The following CSMD2 variants were observed in gnomAD, a reference collection of about 807,000 sequenced individuals.
The protein encoded by CSMD2 is CUB and Sushi multiple domains 2, also known as CUB and sushi domain-containing protein 2.
A neutral mutation model predicts 398.5 loss-of-function variants in CSMD2; 130 were observed. That is an observed-to-expected ratio of 0.33 (90% CI 0.28 to 0.38). The LOEUF (loss-of-function observed/expected upper bound fraction) is 0.38, where lower values mean the gene tolerates loss of function less well. Among genes scored for constraint, CSMD2 ranks in the 10% least tolerant of loss-of-function variants. CSMD2 has a pLI of 1.00. For missense variants in CSMD2, 3,829 were observed against 4,764.9 expected, an observed-to-expected ratio of 0.80 and a Z score of 5.78; for synonymous variants, 1,828 against 1,908.5, an observed-to-expected ratio of 0.96 and a Z score of 1.10.
intron 25 of CSMD2, among the ~76,000 whole-genome samples, chr1:33,680,800 G>C (rs1300756487): frequency 6.6e-6 from 1 of 151,882 alleles, no homozygotes; most frequent in African/African-American, 2.4e-5. Context: ...ACTGTGAAGT[G>C]TGTGAAAAAT....
intron 3 of CSMD2, among the ~76,000 whole-genome samples, chr1:33,981,509 C>T (rs913862945): frequency 6.6e-6 from 1 of 152,192 alleles, no homozygotes; most frequent in Non-Finnish European, 1.5e-5. Flanking sequence ...GTTTTGAGTA[C>T]TTTTACCTAT....
intron 44 of CSMD2, among the ~76,000 whole-genome samples, chr1:33,591,145 C>A (rs1168220689): frequency 6.6e-6 from 1 of 151,890 alleles, no homozygotes; most frequent in Admixed American, 6.6e-5. Flanking sequence ...TGCGCCACCA[C>A]GTCTGGCTAA....
chr1:34,098,321 A>T (rs1354952622), intron 1 of CSMD2, among the ~76,000 whole-genome samples: 1 of 142,652 alleles, frequency 7.0e-6, no homozygotes, highest in African/African-American at 2.6e-5. Context: ...CTAGATGACG[A>T]GTTAGTGGGT....
At chr1:34,104,897 C>T (rs1660375769) in intron 1 of CSMD2, among the ~76,000 whole-genome samples, 1 of 152,206 alleles carries the variant, frequency 6.6e-6, no homozygotes, top group African/African-American at 2.4e-5. Context: ...CTCAGTCACA[C>T]CACTAATTTG....
At chr1:33,858,182 T>C (rs1639232458) in intron 5 of CSMD2, among the ~76,000 whole-genome samples, 2 of 152,230 alleles carry the variant, frequency 1.3e-5, no homozygotes, top group South Asian at 4.1e-4. Context: ...TGAAGTTCTA[T>C]GGGTCATCCA....
chr1:33,865,878 C>T (rs767576546), intron 5 of CSMD2, among the ~76,000 whole-genome samples: 2 of 152,138 alleles, frequency 1.3e-5, no homozygotes, highest in Non-Finnish European at 2.9e-5. Context: ...CTAGATTTTT[C>T]AGGCAAGAAT....
At chr1:34,160,753 C>T (rs1641255333) in intron 1 of CSMD2, among the ~76,000 whole-genome samples, 1 of 152,180 alleles carries the variant, frequency 6.6e-6, no homozygotes, top group Non-Finnish European at 1.5e-5. Flanking sequence ...TAATACAATT[C>T]AGTTTGTACT....
rs1659185792 is a variant in CSMD2, at chr1:33,567,720, A to C, written c.8253T>G (p.Asn2751Lys). ...TGCCCCGGTAGCTGTAGTTCTCCCC[A>C]TTGATGTGTCCGTTGACAATGGGCT... is the stretch of plus-strand genomic sequence containing the variant. ...TPEPIVNGHINGENYSYRGSV... is the reference protein window; with the variant it reads ...TPEPIVNGHIKGENYSYRGSV... Residue 2751 changes from asparagine to lysine, a missense_variant, in exon 53 of 71, where the codon AAT (asparagine) becomes AAG (lysine). Coordinates refer to ENST00000373381, the MANE Select transcript of CSMD2 (RefSeq NM_001281956.2). 6.2e-7 allele frequency: 1 copy of C among 1,614,102 alleles called. No individual in the cohort carries two copies. Among genetic ancestry groups the C allele is most frequent in the African/African-American group, 1.3e-5 (1 of 75,036 alleles).
intron 1 of CSMD2, among the ~76,000 whole-genome samples, chr1:34,111,404 G>A (rs535723965): frequency 2.6e-5 from 4 of 152,134 alleles, no homozygotes; most frequent in Non-Finnish European, 5.9e-5. Context: ...TGAGTTCCTT[G>A]GGGACACAGA....
rs558797712 is a variant in CSMD2 at position 33,726,172 on chromosome 1, G to T, written c.2507+375C>A. On this transcript the variant is annotated intron_variant, in intron 16 of 70. Coordinates refer to ENST00000373381, the MANE Select transcript of CSMD2 (RefSeq NM_001281956.2). ...CATGAGCAGGATTTGGGGCAGAGGT[G>T]GGGGGCTGCCTTCCCACGTTGGACA... Among the ~76,000 whole-genome samples the T allele has an allele frequency of 1.5e-4, 23 of 152,274 alleles. 1 individual carries two copies. In the South Asian group the frequency reaches 4.1e-3, roughly 27 times the overall value.
chr1:34,050,872 C>T (rs1366811624), intron 2 of CSMD2, among the ~76,000 whole-genome samples: 1 of 151,542 alleles, frequency 6.6e-6, no homozygotes, highest in African/African-American at 2.4e-5. Flanking sequence ...CTATGCTAGC[C>T]CAGAGGCTAG....
chr1:33,521,447 G>A lies in CSMD2; in HGVS notation c.10597+16C>T. On this transcript the variant is annotated intron_variant, in intron 68 of 70. Coordinates refer to ENST00000373381, the MANE Select transcript of CSMD2 (RefSeq NM_001281956.2). ...CCCACCCGGGCCCACACTTCCGGGG[G>A]ACAAGCACTAGTTACCCAGTCTTTG... 6 of 1,528,874 alleles carry A rather than the reference G, an allele frequency of 3.9e-6. No homozygotes were observed. The highest frequency in any genetic ancestry group is 2.2e-5 in the East Asian group (1 of 44,454). 94.7% of individuals were successfully genotyped at this position (1,528,874 alleles called of 1,614,324 possible).
At chr1:33,999,820 C>CA (rs1009264475) in intron 3 of CSMD2, among the ~76,000 whole-genome samples, 18 of 151,400 alleles carry the variant, frequency 1.2e-4, no homozygotes, top group South Asian at 2.1e-4. Context: ...TGTTTATACT[C>CA]AAAAAAAAGA....
intron 2 of CSMD2, among the ~76,000 whole-genome samples, chr1:34,059,129 A>C (rs924274428): frequency 2.6e-5 from 4 of 152,198 alleles, no homozygotes; most frequent in Non-Finnish European, 5.9e-5. Flanking sequence ...GCTAGGCTCA[A>C]GGGTTCCCCA....
chr1:33,845,361 G>A, intron 6 of CSMD2, among the ~76,000 whole-genome samples: 1 of 152,250 alleles, frequency 6.6e-6, no homozygotes, highest in East Asian at 1.9e-4. Context: ...TGTACATACA[G>A]TGCCTAGCAC....
intron 39 of CSMD2, among the ~76,000 whole-genome samples, chr1:33,615,412 T>C (rs1160297481): frequency 6.6e-6 from 1 of 152,156 alleles, no homozygotes; most frequent in African/African-American, 2.4e-5. Flanking sequence ...GATTGGCAGG[T>C]CCAGGCAAGT....
chr1:33,588,307 A>G (rs1231666848), intron 44 of CSMD2, among the ~76,000 whole-genome samples: 1 of 152,206 alleles, frequency 6.6e-6, no homozygotes, highest in African/African-American at 2.4e-5. Flanking sequence ...TACTCTGTTA[A>G]CCATTTAGGT....
chr1:34,082,462 G>T (rs905284695), intron 2 of CSMD2, among the ~76,000 whole-genome samples: 2 of 150,502 alleles, frequency 1.3e-5, no homozygotes, highest in Non-Finnish European at 3.0e-5. Flanking sequence ...GGTGAGGGGC[G>T]CCCACGCCCG....
At position 33,922,734 on chromosome 1, in the gene CSMD2, C is replaced by T. The variant is rs112520090; in HGVS notation, c.713-4433G>A. Among the ~76,000 whole-genome samples, 24 of 152,226 alleles carry T rather than the reference C, an allele frequency of 1.6e-4. 1 individual carries two copies. The highest frequency in any genetic ancestry group is 5.8e-4 in the African/African-American group (24 of 41,540). The stretch of plus-strand genomic sequence containing the variant: ...ATCCTCAACTCCTCCCACACCCCCA[C>T]ATCCAGCCAGGGACTCAGCTGGCAG... On this transcript the variant is annotated intron_variant, in intron 4 of 70. Coordinates refer to ENST00000373381, the MANE Select transcript of CSMD2 (RefSeq NM_001281956.2).
Sources: gnomAD v4.1 joint callset for allele counts (sites outside exome capture counted in the v4.1 genomes callset) on GRCh38, gnomAD v4.1.1 for gene constraint, MANE v1.5 for transcripts, NCBI Gene and HGNC (gene_info 2026-07-23, HGNC 2026-07-21) for gene names.